Variants in PRKCA observed in about 807,000 individuals in gnomAD.
PRKCA encodes the protein protein kinase C alpha.
PRKCA carries 27 observed loss-of-function variants against 87.0 expected under a neutral mutation model. The observed-to-expected ratio is 0.31, with a 90% CI of 0.23 to 0.43. The LOEUF (loss-of-function observed/expected upper bound fraction) is 0.43. PRKCA is among the 20% of genes least tolerant of loss of function. The pLI, the probability that PRKCA is intolerant of heterozygous loss-of-function variation, is 1.00. For missense variants in PRKCA, 518 were observed against 852.3 expected, an observed-to-expected ratio of 0.61 and a Z score of 4.88; for synonymous variants, 329 against 311.1, an observed-to-expected ratio of 1.06 and a Z score of -0.61.
In PRKCA at chr17:66,484,254, A is replaced by G. The variant is rs146646541; in HGVS notation, c.206-11947A>G. 6.1e-3 allele frequency among the ~76,000 whole-genome samples: 932 copies of G among 152,342 alleles called. 13 individuals are homozygous for G. The highest frequency in any genetic ancestry group is 0.019 in the African/African-American group (807 of 41,572). Reference sequence around the variant, plus strand: ...ACAACACGTGGGAATTATTTGAGCTACAATTCAAGATGAGATTTGGGTGGA... The same window carrying G: ...ACAACACGTGGGAATTATTTGAGCTGCAATTCAAGATGAGATTTGGGTGGA... On this transcript the variant is annotated intron_variant, in intron 2 of 16. Coordinates refer to ENST00000413366, the MANE Select transcript of PRKCA (RefSeq NM_002737.3).
chr17:66,737,196 CAA>C (rs59025976), intron 10 of PRKCA, among the ~76,000 whole-genome samples: 87 of 125,280 alleles, frequency 6.9e-4, no homozygotes, highest in Admixed American at 7.5e-4. Flanking sequence ...ACTAAATATA[CAA>C]AAAAAAAAAA....
chr17:66,488,968 C>T (rs543311966), intron 2 of PRKCA, among the ~76,000 whole-genome samples: 20 of 152,096 alleles, frequency 1.3e-4, no homozygotes, highest in African/African-American at 4.3e-4. Flanking sequence ...AAGCTGAAAG[C>T]GGTTGACTTG....
intron 2 of PRKCA, among the ~76,000 whole-genome samples, chr17:66,434,383 T>C (rs1913257025): frequency 6.6e-6 from 1 of 152,042 alleles, no homozygotes; most frequent in South Asian, 2.1e-4. Flanking sequence ...AAGAGGGACC[T>C]GAATGAAAGG....
intron 3 of PRKCA, among the ~76,000 whole-genome samples, chr17:66,576,872 A>AC (rs1969252233): frequency 1.2e-5 from 1 of 86,146 alleles, no homozygotes; most frequent in Non-Finnish European, 2.1e-5. Context: ...ATGGTGATGT[A>AC]CTTTTTTTTT....
Position 66,641,485 on chromosome 17 carries a change from C to T in PRKCA, c.400+19C>T. The T allele has an allele frequency of 6.3e-7, 1 of 1,577,394 alleles. No homozygotes were observed. The highest frequency in any genetic ancestry group is 8.7e-7 in the Non-Finnish European group (1 of 1,150,146). ...TGTGACAGTAAGTAAGTTTTCTTTT[C>T]CAGTTCATAGCGAGGCTCTGTAGCT... On this transcript the variant is annotated intron_variant, in intron 4 of 16. Transcript: ENST00000413366.
At chr17:66,690,384 T>G (rs1374673867) in intron 8 of PRKCA, among the ~76,000 whole-genome samples, 1 of 152,136 alleles carries the variant, frequency 6.6e-6, no homozygotes, top group Non-Finnish European at 1.5e-5. Context: ...TGTCTGCAGG[T>G]GGCAGCTACG....
chr17:66,311,984 T>C lies in PRKCA; in HGVS notation c.205+5857T>C, dbSNP rs916261350. 1.3e-4 allele frequency among the ~76,000 whole-genome samples: 20 copies of C among 152,282 alleles called. No individual in the cohort carries two copies. The East Asian group carries it at 1.4e-3, about 10-fold the overall frequency. ...ATGTTTGAGTTTCCTTTTCTTTATA[T>C]TATTTTATTTTTTTGAGATGGAGTC... On this transcript the variant is annotated intron_variant, in intron 2 of 16. Transcript: ENST00000413366.
chr17:66,477,911 T>C (rs1474802226), intron 2 of PRKCA, among the ~76,000 whole-genome samples: 1 of 152,208 alleles, frequency 6.6e-6, no homozygotes. Context: ...ATGTATTTAT[T>C]GGTGGACTCT....
chr17:66,775,549 C>T (rs944130866), intron 14 of PRKCA: 14 of 985,238 alleles, frequency 1.4e-5, no homozygotes, highest in South Asian at 1.4e-4. Flanking sequence ...ATGATTCTGC[C>T]GTGGGCAGCT....
At chr17:66,780,742 C>T (rs1167064964) in intron 14 of PRKCA, among the ~76,000 whole-genome samples, 2 of 151,926 alleles carry the variant, frequency 1.3e-5, no homozygotes, top group African/African-American at 4.8e-5. Flanking sequence ...ATTTTTGTGT[C>T]CAGGTAAAGG....
intron 13 of PRKCA, among the ~76,000 whole-genome samples, chr17:66,773,605 C>T (rs1206411845): frequency 6.6e-6 from 1 of 151,558 alleles, no homozygotes; most frequent in East Asian, 1.9e-4. Context: ...CTTCCTGCCT[C>T]AGCCTCCCAA....
chr17:66,535,097 C>T (rs1967727182), intron 3 of PRKCA, among the ~76,000 whole-genome samples: 3 of 152,220 alleles, frequency 2.0e-5, no homozygotes, highest in African/African-American at 7.2e-5. Flanking sequence ...TGAGACTGCG[C>T]TGTTACCATT....
At position 66,302,842 on chromosome 17, in the gene PRKCA, G is replaced by GA. The variant is rs3833857; in HGVS notation, c.-10_-9insA. 1.3e-6 allele frequency: 2 copies of GA among 1,528,450 alleles called. No homozygotes were observed. Among genetic ancestry groups the GA allele is most frequent in the East Asian group, 5.1e-5 (2 of 39,560 alleles). 94.7% of individuals were successfully genotyped at this position (1,528,450 alleles called of 1,614,324 possible). On this transcript the variant is annotated 5_prime_UTR_variant, in exon 1 of 17. Coordinates refer to ENST00000413366, the MANE Select transcript of PRKCA (RefSeq NM_002737.3). ...TCCCCGGCGGAGGCAAGAGGTGGTT[G>GA]GGGGGGACCATGGCTGACGTTTTCC...
At chr17:66,405,811 T>C (rs1250540533) in intron 2 of PRKCA, among the ~76,000 whole-genome samples, 4 of 152,190 alleles carry the variant, frequency 2.6e-5, no homozygotes, top group African/African-American at 9.7e-5. Context: ...ATTGGCAATT[T>C]TTTTTTTAAC....
intron 16 of PRKCA, among the ~76,000 whole-genome samples, chr17:66,790,394 C>G (rs1041328565): frequency 1.3e-5 from 2 of 151,996 alleles, no homozygotes; most frequent in African/African-American, 2.4e-5. Context: ...TTTAGTCAGC[C>G]CTGCACACTG....
Position 66,677,667 on chromosome 17 carries a change from C to G in PRKCA, c.530-9444C>G, listed in dbSNP as rs181319342. On this transcript the variant is annotated intron_variant, in intron 5 of 16. Transcript: ENST00000413366. ...GTTGCACTCCTGACTCCATCCCTTA[C>G]TAAATGTTCAACCTTGAGCAGGTTT... 6.9e-4 allele frequency among the ~76,000 whole-genome samples: 105 copies of G among 152,356 alleles called. 1 individual carries two copies. Among genetic ancestry groups the G allele is most frequent in the Non-Finnish European group, 1.3e-3 (86 of 68,034 alleles).
chr17:66,668,793 T>C lies in PRKCA; in HGVS notation c.530-18318T>C, dbSNP rs550546822. ...ATTACAGAAGAGTATTTGAGAAAAC[T>C]CCATACACATTATAATAGGGTGCAG... On this transcript the variant is annotated intron_variant, in intron 5 of 16. Coordinates refer to ENST00000413366, the MANE Select transcript of PRKCA (RefSeq NM_002737.3). 2.5e-4 allele frequency among the ~76,000 whole-genome samples: 38 copies of C among 152,190 alleles called. 1 individual carries two copies. Among genetic ancestry groups the C allele is most frequent in the Non-Finnish European group, 4.7e-4 (32 of 68,016 alleles).
intron 2 of PRKCA, among the ~76,000 whole-genome samples, chr17:66,369,830 C>T (rs1249375406): frequency 2.0e-4 from 30 of 152,206 alleles, no homozygotes; most frequent in Admixed American, 2.0e-3. Flanking sequence ...CTGCTACCTC[C>T]AAGTGTCCTT....
At chr17:66,485,565 A>G (rs1008407245) in intron 2 of PRKCA, among the ~76,000 whole-genome samples, 2 of 152,190 alleles carry the variant, frequency 1.3e-5, no homozygotes, top group Non-Finnish European at 2.9e-5. Flanking sequence ...TTCTGGAGCC[A>G]CACTTTGTTT....
Sources: allele counts gnomAD v4.1 joint callset (sites outside exome capture counted in the v4.1 genomes callset), GRCh38; gene constraint gnomAD v4.1.1; transcripts MANE v1.5; gene names NCBI Gene and HGNC (gene_info 2026-07-23, HGNC 2026-07-21).